Variants in TUSC3 observed in about 807,000 individuals in gnomAD.
TUSC3 encodes tumor suppressor candidate 3.
A neutral mutation model predicts 44.8 loss-of-function variants in TUSC3; 45 were observed. The ratio of observed to expected loss-of-function variants is 1.00; its 90% CI spans 0.79 to 1.29. The LOEUF is 1.29. Among genes scored for constraint, TUSC3 ranks in the 50% most tolerant of loss-of-function variants. The pLI is 0.00. For missense variants in TUSC3, 519 were observed against 437.9 expected (o/e 1.19, Z -1.65); for synonymous variants, 212 against 152.9 (o/e 1.39, Z -2.85).
chr8:15,702,281 A>G (rs1258322798), intron 6 of TUSC3, among the ~76,000 whole-genome samples: 2 of 152,202 alleles, frequency 1.3e-5, no homozygotes, highest in Admixed American at 6.5e-5. Flanking sequence ...TTTTGTAAAC[A>G]TTGGTATTAA....
chr8:15,807,126 C>G, the TUSC3 span: 4 of 1,083,082 alleles, frequency 3.7e-6, no homozygotes, highest in Non-Finnish European at 5.6e-6. Context: ...AAAGAATGAC[C>G]ACCTTTCAAG....
At chr8:15,480,133 A>G (rs1233008690) in intron 1 of TUSC3, among the ~76,000 whole-genome samples, 1 of 152,220 alleles carries the variant, frequency 6.6e-6, no homozygotes, top group African/African-American at 2.4e-5. Context: ...AGGAAAGTAA[A>G]GGACCTATTC....
At chr8:15,807,166 G>A in the TUSC3 span, 84 of 816,992 alleles carry the variant, frequency 1.0e-4, no homozygotes, top group East Asian at 1.9e-3. Context: ...ACAGCCGTAT[G>A]TGCATCCTCC....
the TUSC3 span, among the ~76,000 whole-genome samples, chr8:15,787,489 T>A: frequency 2.6e-5 from 4 of 152,152 alleles, no homozygotes; most frequent in African/African-American, 4.8e-5. Context: ...TATTAAAAAA[T>A]TTGTCAGGAA....
chr8:15,620,244 T>A lies in TUSC3; in HGVS notation c.139-2836T>A, dbSNP rs1805184250. On this transcript the variant is annotated intron_variant, in intron 1 of 10. Transcript: ENST00000503731. ...ATACATTGCAGATAGCGTTAGACTTTCACACTGATATAGTGTTTGTAAGGA... is the reference window on the plus strand; with the variant it reads ...ATACATTGCAGATAGCGTTAGACTTACACACTGATATAGTGTTTGTAAGGA... Among the ~76,000 whole-genome samples the A allele has an allele frequency of 2.0e-5, 3 of 152,336 alleles. No individual in the cohort carries two copies. In the South Asian group the frequency reaches 6.2e-4, roughly 32 times the overall value.
chr8:15,496,796 T>G (rs1265273681), intron 2 of TUSC3, among the ~76,000 whole-genome samples: 1 of 152,200 alleles, frequency 6.6e-6, no homozygotes, highest in Admixed American at 6.5e-5. Flanking sequence ...TCCCCCATAT[T>G]TCTCACACTC....
At chr8:15,485,687 G>A (rs1800724858) in intron 2 of TUSC3, among the ~76,000 whole-genome samples, 1 of 152,150 alleles carries the variant, frequency 6.6e-6, no homozygotes, top group Admixed American at 6.5e-5. Context: ...GGAATGAAGA[G>A]TAGGAGGGGA....
rs141419130 is a variant in TUSC3 at position 15,751,682 on chromosome 8, A to C, written c.1028+3217A>C. ...CATCCAAAAGAAGCCAAATACAATG[A>C]CAAGTACCTATAAAAGTTAACACCA... is the stretch of plus-strand genomic sequence containing the variant. On this transcript the variant is annotated intron_variant, in intron 9 of 10. Transcript: ENST00000503731. Among the ~76,000 whole-genome samples the C allele has an allele frequency of 7.9e-3, 486 of 61,320 alleles. 2 individuals carry two copies. The highest frequency in any genetic ancestry group is 0.062 in the Middle Eastern group (9 of 144). The allele number at this position is 61,320 out of a possible 152,430, so 40.2% of individuals were successfully genotyped here.
the TUSC3 span, among the ~76,000 whole-genome samples, chr8:15,789,751 T>C: frequency 7.8e-3 from 1,186 of 152,188 alleles, 18 homozygotes; most frequent in African/African-American, 0.028. Flanking sequence ...GGGGCTGCAA[T>C]AAGAAACAGG....
intron 1 of TUSC3, among the ~76,000 whole-genome samples, chr8:15,446,413 G>T (rs190447153): frequency 0.011 from 1,640 of 152,124 alleles, 25 homozygotes; most frequent in African/African-American, 0.037. Context: ...TCGAGATCAC[G>T]CCACTGCACT....
At chr8:15,451,685 G>A (rs976633351) in intron 1 of TUSC3, among the ~76,000 whole-genome samples, 20 of 152,108 alleles carry the variant, frequency 1.3e-4, no homozygotes, top group African/African-American at 4.8e-4. Flanking sequence ...GGGATAGTGG[G>A]AACCTTTAGG....
At chr8:15,596,543 T>G (rs549934232) in intron 1 of TUSC3, among the ~76,000 whole-genome samples, 1 of 152,188 alleles carries the variant, frequency 6.6e-6, no homozygotes, top group East Asian at 1.9e-4. Context: ...ACCAATACCC[T>G]GTGCATACTG....
chr8:15,659,371 G>C, intron 3 of TUSC3, 136 bp from the exon 4 acceptor site: 2 of 1,089,260 alleles, frequency 1.8e-6, no homozygotes, highest in Non-Finnish European at 2.6e-6. Context: ...AATAAAAACA[G>C]AAATTTACCT....
chr8:15,778,862 G>C, the TUSC3 span, among the ~76,000 whole-genome samples: 1 of 152,168 alleles, frequency 6.6e-6, no homozygotes, highest in African/African-American at 2.4e-5. Flanking sequence ...ACTTGAGTTA[G>C]ATACAGAACA....
intron 10 of TUSC3, among the ~76,000 whole-genome samples, chr8:15,760,672 G>A (rs1812135501): frequency 6.6e-6 from 1 of 152,174 alleles, no homozygotes; most frequent in Non-Finnish European, 1.5e-5. Context: ...AACGCAGCCA[G>A]GTTTGTTTTA....
intron 1 of TUSC3, chr8:15,483,318 TTG>T (rs796694308): frequency 3.8e-4 from 71 of 188,458 alleles, no homozygotes; most frequent in Admixed American, 9.1e-4. Context: ...AGCACTGTTT[TTG>T]TTGTTGTTGT....
At chr8:15,455,343 T>C (rs189856128) in intron 1 of TUSC3, among the ~76,000 whole-genome samples, 7 of 152,152 alleles carry the variant, frequency 4.6e-5, no homozygotes, top group African/African-American at 1.7e-4. Flanking sequence ...TGAGGAGCTA[T>C]GGTTGGTTTT....
intron 1 of TUSC3, among the ~76,000 whole-genome samples, chr8:15,570,769 A>C (rs1044042699): frequency 6.6e-6 from 1 of 151,930 alleles, no homozygotes; most frequent in Non-Finnish European, 1.5e-5. Flanking sequence ...AACTGACTTC[A>C]AAGCTGTTCT....
chr8:15,631,494 AC>A (rs1805761878), intron 2 of TUSC3, among the ~76,000 whole-genome samples: 1 of 152,112 alleles, frequency 6.6e-6, no homozygotes, highest in African/African-American at 2.4e-5. Flanking sequence ...CACCTGTGCT[AC>A]CCTTTACCAA....
Sources: allele counts gnomAD v4.1 joint callset (sites outside exome capture counted in the v4.1 genomes callset), GRCh38; gene constraint gnomAD v4.1.1; transcripts MANE v1.5; gene names NCBI Gene and HGNC (gene_info 2026-07-23, HGNC 2026-07-21).